EIPR1: variants seen among roughly 807,000 people sequenced by gnomAD.
The protein encoded by EIPR1 is EARP and GARP complex-interacting protein 1.
In EIPR1, 25 loss-of-function variants were observed where a neutral mutation model predicts 48.1. The observed-to-expected ratio is 0.52, with a 90% CI of 0.38 to 0.73. The LOEUF is 0.73. EIPR1 is among the 30% of genes least tolerant of loss of function. The probability of loss-of-function intolerance (pLI) is 0.00; values close to 1 mark genes in which losing one functional copy is unlikely to be tolerated. For missense variants in EIPR1, 415 were observed against 506.2 expected (o/e 0.82, Z 1.73); for synonymous variants, 204 against 201.9 (o/e 1.01, Z -0.09).
At position 3,237,221 on chromosome 2, in the gene EIPR1, TACACACACACACACAC is replaced by T. The variant is rs35498711; in HGVS notation, c.416+20062_416+20077del. Reference sequence around the variant, plus strand: ...CAGGATTAAGCTGTATTTTGAAAACTACACACACACACACACACACACACACACACACACACACACA... The same window carrying T: ...CAGGATTAAGCTGTATTTTGAAAACTACACACACACACACACACACACACA... On this transcript the variant is annotated intron_variant, in intron 4 of 8. Transcript: ENST00000382125. Among the ~76,000 whole-genome samples the T allele has an allele frequency of 3.8e-3, 480 of 127,842 alleles. 5 individuals carry two copies. Among genetic ancestry groups the T allele is most frequent in the African/African-American group, 0.012 (391 of 33,364 alleles). 83.9% of individuals were successfully genotyped at this position (127,842 alleles called of 152,430 possible).
chr2:3,303,194 G>A (rs1190333092), intron 3 of EIPR1, among the ~76,000 whole-genome samples: 6 of 152,184 alleles, frequency 3.9e-5, no homozygotes, highest in Admixed American at 6.5e-5. Context: ...AGCTGGCTCC[G>A]GCTGATTAAG....
intron 4 of EIPR1, among the ~76,000 whole-genome samples, chr2:3,228,754 G>A (rs1666146343): frequency 6.6e-6 from 1 of 152,138 alleles, no homozygotes; most frequent in Admixed American, 6.5e-5. Context: ...GATAATGAGT[G>A]AGTCTCATGA....
At chr2:3,377,291 C>T (rs1266950068) in intron 1 of EIPR1, 1 of 271,884 alleles carries the variant, frequency 3.7e-6, no homozygotes, top group Non-Finnish European at 6.8e-6. Flanking sequence ...CAAAATCAAA[C>T]ATTTTTATTT....
At chr2:3,374,164 C>G (rs1459109975) in intron 1 of EIPR1, among the ~76,000 whole-genome samples, 1 of 151,376 alleles carries the variant, frequency 6.6e-6, no homozygotes, top group Non-Finnish European at 1.5e-5. Context: ...GCTGGGAAAA[C>G]TGGCTAGCCA....
intron 3 of EIPR1, 48 bp downstream of exon 3, chr2:3,337,969 C>A (rs749626958): frequency 6.4e-7 from 1 of 1,553,688 alleles, no homozygotes; most frequent in Non-Finnish European, 8.6e-7. Context: ...TTAGGAAATA[C>A]CTCCAGTTAC....
chr2:3,189,366 G>A lies in EIPR1; in HGVS notation c.1132C>T (p.Pro378Ser). 1 of 1,600,632 alleles carries A rather than the reference G, an allele frequency of 6.2e-7. No individual in the cohort carries two copies. The highest frequency in any genetic ancestry group is 1.1e-5 in the South Asian group (1 of 89,678). The change falls in exon 9 of 9, where the codon CCC becomes TCC. Residue 378 changes from proline to serine, a missense_variant. Transcript: ENST00000382125. The surrounding 1 kb of genome is among the most constrained non-coding windows in gnomAD (Gnocchi z 4.6). The stretch of plus-strand genomic sequence containing the variant: ...AGGATGTGGTACTTCAGGGCCCTGG[G>A]CACCCTGTTGATCACGAGCCTCCCG... ...YDGRLVINRV[P>S]RALKYHILL
chr2:3,208,921 C>A (rs1665336807), intron 5 of EIPR1: 2 of 1,541,772 alleles, frequency 1.3e-6, no homozygotes, highest in Non-Finnish European at 1.8e-6. Flanking sequence ...CACACAGGGT[C>A]CGTGCACGCT....
intron 3 of EIPR1, among the ~76,000 whole-genome samples, chr2:3,268,871 G>A (rs185640974): frequency 1.3e-5 from 2 of 152,156 alleles, no homozygotes; most frequent in African/African-American, 4.8e-5. Flanking sequence ...GAATCTGGGA[G>A]GTAACATATG....
chr2:3,223,900 A>C (rs1314174602), intron 4 of EIPR1, among the ~76,000 whole-genome samples: 1 of 152,132 alleles, frequency 6.6e-6, no homozygotes, highest in African/African-American at 2.4e-5. Context: ...CCCATGTATC[A>C]AGCAGAAAGT....
intron 4 of EIPR1, among the ~76,000 whole-genome samples, chr2:3,227,822 G>C (rs533423800): frequency 2.6e-5 from 4 of 152,374 alleles, no homozygotes; most frequent in African/African-American, 9.6e-5. Context: ...TATAGCTCAG[G>C]CCATTGCTTC....
chr2:3,298,566 T>C (rs1476472702), intron 3 of EIPR1: 2 of 152,088 alleles, frequency 1.3e-5, no homozygotes, highest in Non-Finnish European at 2.9e-5. Flanking sequence ...GGTTCTGTAA[T>C]AATGATCCTC....
intron 1 of EIPR1, among the ~76,000 whole-genome samples, chr2:3,355,397 G>C (rs997457024): frequency 6.6e-6 from 1 of 152,220 alleles, no homozygotes; most frequent in Non-Finnish European, 1.5e-5. Flanking sequence ...ATCCTGATTG[G>C]AGCAGGCCAG....
chr2:3,351,060 G>C (rs1393165509), intron 2 of EIPR1, among the ~76,000 whole-genome samples: 1 of 149,176 alleles, frequency 6.7e-6, no homozygotes, highest in Non-Finnish European at 1.5e-5. Flanking sequence ...GTGCAGTGGT[G>C]CGATCTCGGC....
At chr2:3,228,142 T>C (rs1666123831) in intron 4 of EIPR1, among the ~76,000 whole-genome samples, 1 of 152,262 alleles carries the variant, frequency 6.6e-6, no homozygotes. Context: ...CTGGAAAAGC[T>C]GCAGACACTC....
chr2:3,263,862 A>C (rs1667409686), intron 3 of EIPR1, among the ~76,000 whole-genome samples: 1 of 152,258 alleles, frequency 6.6e-6, no homozygotes, highest in Non-Finnish European at 1.5e-5. Flanking sequence ...TAATTAAAAA[A>C]TGCATATATT....
Position 3,208,663 on chromosome 2 carries a change from T to A in EIPR1, c.516+5486A>T. 3 of 1,550,616 alleles carry A rather than the reference T, an allele frequency of 1.9e-6. No homozygotes were observed. The South Asian group carries it at 3.6e-5, about 18-fold the overall frequency. On this transcript the variant is annotated intron_variant, in intron 5 of 8. Transcript: ENST00000382125. The stretch of plus-strand genomic sequence containing the variant: ...TATGCTTGGCATATGGCTGACTTCT[T>A]GCAGTCATAACTCAACCCCAATTCC...
chr2:3,239,718 C>T (rs1282348666), intron 4 of EIPR1, among the ~76,000 whole-genome samples: 1 of 152,072 alleles, frequency 6.6e-6, no homozygotes, highest in African/African-American at 2.4e-5. Flanking sequence ...CCCCTTTCCA[C>T]ATGTGGCCCT....
rs536681353 is a variant in EIPR1, at chr2:3,377,735, C to T, written c.-46G>A. On this transcript the variant is annotated 5_prime_UTR_variant, in exon 1 of 9. Coordinates refer to ENST00000382125, the MANE Select transcript of EIPR1 (RefSeq NM_003310.5). ...CCCCGGCCACTCACACGCTAAGGAC[C>T]TCGCTACGGCCGGCGCGTCCCCACC... 176 of 1,553,206 alleles carry T rather than the reference C, an allele frequency of 1.1e-4. 2 individuals are homozygous for T. In the East Asian group the frequency reaches 4.1e-3, roughly 36 times the overall value.
At chr2:3,229,961 GTATCTGC>G (rs1666189310) in intron 4 of EIPR1, among the ~76,000 whole-genome samples, 1 of 152,020 alleles carries the variant, frequency 6.6e-6, no homozygotes, top group Non-Finnish European at 1.5e-5. Context: ...ACTCACAGGG[GTATCTGC>G]TGACCTTTTT....
Sources: allele counts gnomAD v4.1 joint callset (sites outside exome capture counted in the v4.1 genomes callset), GRCh38; gene constraint gnomAD v4.1.1; non-coding constraint Gnocchi (gnomAD v3.1); transcripts MANE v1.5; gene names NCBI Gene and HGNC (gene_info 2026-07-23, HGNC 2026-07-21).